The following PRLR variants were observed in gnomAD, a reference collection of about 807,000 sequenced individuals.
PRLR encodes hPRL receptor.
In PRLR, 13 loss-of-function variants were observed where a neutral mutation model predicts 40.2. The ratio of observed to expected loss-of-function variants is 0.32; its 90% CI spans 0.21 to 0.51. The LOEUF (loss-of-function observed/expected upper bound fraction) is 0.51. Among genes scored for constraint, PRLR ranks in the 20% least tolerant of loss-of-function variants. The pLI is 0.97. For missense variants in PRLR, 656 were observed against 747.3 expected (o/e 0.88, Z 1.42); for synonymous variants, 269 against 278.7 (o/e 0.97, Z 0.35).
rs939317420 is a variant in PRLR at position 35,064,142 on chromosome 5, T to C, written c.*947A>G. The C allele has an allele frequency of 6.6e-6, 1 of 152,056 alleles. No homozygotes were observed. The highest frequency in any genetic ancestry group is 6.5e-5 in the Admixed American group (1 of 15,274). 9.4% of individuals were successfully genotyped at this position (152,056 alleles called of 1,614,324 possible). On this transcript the variant is annotated 3_prime_UTR_variant, in exon 10 of 10. Coordinates refer to ENST00000618457, the MANE Select transcript of PRLR (RefSeq NM_000949.7). Reference sequence around the variant, plus strand: ...ACAGCTGTACTGGGAAAATAGAAAATAGTCTTTTATTTTACCTAAGTCATA... The same window carrying C: ...ACAGCTGTACTGGGAAAATAGAAAACAGTCTTTTATTTTACCTAAGTCATA...
At chr5:35,136,444 A>C (rs899334935) in intron 1 of PRLR, among the ~76,000 whole-genome samples, 1 of 152,182 alleles carries the variant, frequency 6.6e-6, no homozygotes, top group African/African-American at 2.4e-5. Context: ...GAGTCTACTC[A>C]CCAGATGCCA....
At chr5:35,128,925 C>CCGTAT (rs2066912233) in intron 1 of PRLR, among the ~76,000 whole-genome samples, 1 of 152,176 alleles carries the variant, frequency 6.6e-6, no homozygotes, top group Non-Finnish European at 1.5e-5. Flanking sequence ...CCATCTCTGC[C>CCGTAT]TCCTTCCCCG....
Position 35,081,804 on chromosome 5 carries a change from C to T in PRLR, c.373+2666G>A, listed in dbSNP as rs544673090. 4 of 153,872 alleles carry T rather than the reference C, an allele frequency of 2.6e-5. No individual in the cohort carries two copies. The South Asian group carries it at 5.9e-4, about 23-fold the overall frequency. The allele number at this position is 153,872 out of a possible 1,614,324, so 9.5% of individuals were successfully genotyped here. On this transcript the variant is annotated intron_variant, in intron 5 of 9. Transcript: ENST00000618457. ...ACACACACACACACACACACACACA[C>T]ACACACACACCCCTCCTGGGCTACA...
chr5:35,068,189 C>G (rs1183106765), intron 9 of PRLR, 27 bp downstream of exon 9: 1 of 1,566,174 alleles, frequency 6.4e-7, no homozygotes, highest in Non-Finnish European at 8.8e-7. Flanking sequence ...GTGAGTCACA[C>G]TCCATTTTTT....
intron 1 of PRLR, among the ~76,000 whole-genome samples, chr5:35,222,349 T>G (rs1579818125): frequency 1.3e-5 from 2 of 152,020 alleles, no homozygotes; most frequent in East Asian, 1.9e-4. Flanking sequence ...TTTCTCCTCT[T>G]TTTTTCAGGG....
intron 1 of PRLR, among the ~76,000 whole-genome samples, chr5:35,131,114 A>G (rs953536323): frequency 6.6e-6 from 1 of 152,202 alleles, no homozygotes; most frequent in Non-Finnish European, 1.5e-5. Flanking sequence ...ATAAACTAAT[A>G]CAGATGATTT....
intron 1 of PRLR, among the ~76,000 whole-genome samples, chr5:35,182,459 C>T (rs556014001): frequency 6.6e-6 from 1 of 152,330 alleles, no homozygotes; most frequent in East Asian, 1.9e-4. Flanking sequence ...GAAGCAATTT[C>T]ATCTTAAACT....
intron 1 of PRLR, among the ~76,000 whole-genome samples, chr5:35,152,075 A>G (rs889446517): frequency 2.0e-5 from 3 of 152,218 alleles, no homozygotes; most frequent in African/African-American, 7.2e-5. Flanking sequence ...TACTATTTTC[A>G]GTTTTTTGGT....
chr5:35,217,450 C>T (rs781155846), intron 1 of PRLR, among the ~76,000 whole-genome samples: 1 of 152,198 alleles, frequency 6.6e-6, no homozygotes, highest in Non-Finnish European at 1.5e-5. Context: ...TAAATAGCCA[C>T]ATTAAATATA....
chr5:35,206,867 T>C (rs1413582916), intron 1 of PRLR, among the ~76,000 whole-genome samples: 1 of 152,078 alleles, frequency 6.6e-6, no homozygotes, highest in Non-Finnish European at 1.5e-5. Context: ...TTAATATAAT[T>C]TTGACTGTCA....
chr5:35,076,612 A>G (rs2112422056), intron 5 of PRLR, among the ~76,000 whole-genome samples: 1 of 152,346 alleles, frequency 6.6e-6, no homozygotes, highest in Non-Finnish European at 1.5e-5. Flanking sequence ...CCAAGTTGGA[A>G]AACACTCTGC....
chr5:35,159,085 T>C (rs1165298489), intron 1 of PRLR, among the ~76,000 whole-genome samples: 1 of 152,170 alleles, frequency 6.6e-6, no homozygotes, highest in African/African-American at 2.4e-5. Flanking sequence ...CACAAGTGAT[T>C]GAGTGGGGTG....
At chr5:35,053,207 GA>G (rs1423510170), downstream of PRLR, among the ~76,000 whole-genome samples, 1 of 152,130 alleles carries the variant, frequency 6.6e-6, no homozygotes, top group Non-Finnish European at 1.5e-5. Flanking sequence ...GATCAAGAAA[GA>G]GACATAAGAG....
intron 1 of PRLR, among the ~76,000 whole-genome samples, chr5:35,172,075 C>G (rs1775012982): frequency 2.6e-5 from 4 of 152,214 alleles, no homozygotes; most frequent in African/African-American, 9.6e-5. Context: ...GTTAACAGTG[C>G]AAGCTACATG....
chr5:35,180,009 T>C (rs564339731), intron 1 of PRLR, among the ~76,000 whole-genome samples: 1 of 152,326 alleles, frequency 6.6e-6, no homozygotes, highest in East Asian at 1.9e-4. Context: ...CTGAGCTTGC[T>C]TTCCTGCAAC....
rs369771553 is a variant in PRLR at position 35,155,767 on chromosome 5, A to G, written c.-105-37645T>C. On this transcript the variant is annotated intron_variant, in intron 1 of 9. Coordinates refer to ENST00000618457, the MANE Select transcript of PRLR (RefSeq NM_000949.7). ...AGGGCTTATTCCATTGCAACATGGT[A>G]GTTTTAGGCTCTCACCTTTAGAAAA... 1.5e-4 allele frequency among the ~76,000 whole-genome samples: 23 copies of G among 152,358 alleles called. No homozygotes were observed. In the South Asian group the frequency reaches 4.8e-3, roughly 32 times the overall value.
chr5:35,069,142 A>T (rs1769588694), intron 7 of PRLR, among the ~76,000 whole-genome samples: 1 of 152,222 alleles, frequency 6.6e-6, no homozygotes, highest in Non-Finnish European at 1.5e-5. Flanking sequence ...CTTAAAGAGG[A>T]AATCCAAGGT....
intron 1 of PRLR, among the ~76,000 whole-genome samples, chr5:35,183,059 G>T (rs1396773120): frequency 6.6e-6 from 1 of 152,178 alleles, no homozygotes; most frequent in African/African-American, 2.4e-5. Context: ...CCAAGGAAAA[G>T]AATTCCCTCT....
rs77334252 is a variant in PRLR at position 35,089,663 on chromosome 5, A to G, written c.-43T>C. ...GCTGCAGGAAATGTATCAGAAGTTC[A>G]CTGGAAGAGAAGGTAGCAGGTAACT... On this transcript the variant is annotated splice_region_variant and 5_prime_UTR_variant, in exon 3 of 10. Coordinates refer to ENST00000618457, the MANE Select transcript of PRLR (RefSeq NM_000949.7). 6.2e-7 allele frequency: 1 copy of G among 1,607,850 alleles called. No homozygotes were observed. The highest frequency in any genetic ancestry group is 8.5e-7 in the Non-Finnish European group (1 of 1,174,398).
Sources: gnomAD v4.1 joint callset for allele counts (sites outside exome capture counted in the v4.1 genomes callset) on GRCh38, gnomAD v4.1.1 for gene constraint, MANE v1.5 for transcripts, NCBI Gene and HGNC (gene_info 2026-07-23, HGNC 2026-07-21) for gene names.